CSMD1: variants seen among roughly 807,000 people sequenced by gnomAD.
CSMD1 encodes CUB and Sushi multiple domains 1.
CSMD1 carries 213 observed loss-of-function variants against 417.5 expected under a neutral mutation model. The ratio of observed to expected loss-of-function variants is 0.51; its 90% CI spans 0.46 to 0.57. CSMD1 has a LOEUF of 0.57. Ranked by LOEUF, CSMD1 falls within the 20% of genes least tolerant of loss-of-function variation. The pLI, the probability that CSMD1 is intolerant of heterozygous loss-of-function variation, is 0.00. For missense variants in CSMD1, 6,923 were observed against 4,529.7 expected (o/e 1.53, Z -15.17); for synonymous variants, 2,862 against 1,736.8 (o/e 1.65, Z -16.11).
chr8:3,304,759 C>A (rs1229201755), intron 25 of CSMD1, among the ~76,000 whole-genome samples: 7 of 151,362 alleles, frequency 4.6e-5, no homozygotes, highest in Non-Finnish European at 1.0e-4. Context: ...AAAATGTTAA[C>A]AAAGTATTAG....
chr8:4,424,219 G>T (rs890470735), intron 2 of CSMD1, among the ~76,000 whole-genome samples: 9 of 151,932 alleles, frequency 5.9e-5, no homozygotes, highest in Non-Finnish European at 8.8e-5. Context: ...AAAAACTTTG[G>T]CTGCAAAAGA....
Position 3,359,037 on chromosome 8 carries a change from C to T in CSMD1, c.3304+115G>A, listed in dbSNP as rs1808982187. The T allele has an allele frequency of 4.3e-6, 4 of 934,114 alleles. No homozygotes were observed. In the South Asian group the frequency reaches 4.7e-5, roughly 11 times the overall value. The allele number at this position is 934,114 out of a possible 1,614,324, so 57.9% of individuals were successfully genotyped here. A position where few individuals can be genotyped will look rare whatever the true frequency, so the allele number is the denominator to read the frequency against. On this transcript the variant is annotated intron_variant, in intron 21 of 69. Coordinates refer to ENST00000635120, the MANE Select transcript of CSMD1 (RefSeq NM_033225.6). ...GTTGGCAGAGTGGAGCCCACACTTT[C>T]ACCCTCTCCTTCCTTGTCAACAAAC...
At chr8:4,739,138 AC>A (rs1224375306) in intron 1 of CSMD1, among the ~76,000 whole-genome samples, 1 of 152,230 alleles carries the variant, frequency 6.6e-6, no homozygotes, top group Non-Finnish European at 1.5e-5. Context: ...ACATACACAC[AC>A]GCATACACAC....
chr8:4,756,614 C>G (rs1811683588), intron 1 of CSMD1, among the ~76,000 whole-genome samples: 1 of 152,150 alleles, frequency 6.6e-6, no homozygotes, highest in Non-Finnish European at 1.5e-5. Flanking sequence ...TTCACTTTGG[C>G]TCACTAATTG....
chr8:3,273,571 T>G (rs1357848361), intron 26 of CSMD1, among the ~76,000 whole-genome samples: 1 of 152,212 alleles, frequency 6.6e-6, no homozygotes, highest in Non-Finnish European at 1.5e-5. Flanking sequence ...CTGCACTCTT[T>G]TTCGTTGGTA....
intron 18 of CSMD1, chr8:3,373,878 A>C (rs971914091): frequency 6.6e-6 from 1 of 152,184 alleles, no homozygotes; most frequent in African/African-American, 2.4e-5. Context: ...AGATATGCAG[A>C]AATCATTGAA....
intron 5 of CSMD1, among the ~76,000 whole-genome samples, chr8:3,849,025 A>G (rs1226226578): frequency 6.6e-6 from 1 of 151,984 alleles, no homozygotes; most frequent in East Asian, 1.9e-4. Flanking sequence ...CTCTGCTCAT[A>G]TAAACTTAAA....
intron 3 of CSMD1, among the ~76,000 whole-genome samples, chr8:4,206,436 T>C (rs1585021926): frequency 6.6e-6 from 1 of 151,968 alleles, no homozygotes; most frequent in South Asian, 2.1e-4. Context: ...ACATGCGGTG[T>C]TTGGTTTTCT....
At chr8:3,289,089 T>C (rs544386897) in intron 25 of CSMD1, among the ~76,000 whole-genome samples, 1 of 147,506 alleles carries the variant, frequency 6.8e-6, no homozygotes, top group African/African-American at 2.7e-5. Context: ...TAGTTTTTTG[T>C]CCTTGAGATA....
intron 5 of CSMD1, among the ~76,000 whole-genome samples, chr8:3,924,124 G>C (rs552784480): frequency 1.3e-5 from 2 of 152,142 alleles, no homozygotes; most frequent in South Asian, 4.1e-4. Context: ...GGGAAAATCT[G>C]TATCTCTCCA....
chr8:3,791,083 T>C (rs1799712417), intron 5 of CSMD1, among the ~76,000 whole-genome samples: 1 of 152,210 alleles, frequency 6.6e-6, no homozygotes, highest in African/African-American at 2.4e-5. Flanking sequence ...GAAATTAATT[T>C]CATAAAATCA....
At chr8:3,435,207 C>T (rs369527744) in intron 12 of CSMD1, among the ~76,000 whole-genome samples, 2 of 152,160 alleles carry the variant, frequency 1.3e-5, no homozygotes, top group Non-Finnish European at 2.9e-5. Context: ...TATGTTCAGT[C>T]CTCAGAGCAC....
At chr8:3,577,971 C>A (rs1358894530) in intron 9 of CSMD1, among the ~76,000 whole-genome samples, 3 of 152,136 alleles carry the variant, frequency 2.0e-5, no homozygotes, top group Non-Finnish European at 4.4e-5. Flanking sequence ...TTTCTACCAG[C>A]CGATGTCCAC....
At chr8:3,399,298 A>T (rs1237227349) in intron 16 of CSMD1, 93 bp downstream of exon 16, 3 of 1,245,554 alleles carry the variant, frequency 2.4e-6, no homozygotes, top group Non-Finnish European at 3.3e-6. Context: ...ACCGAAAAAA[A>T]CTGCCATCTT....
intron 5 of CSMD1, among the ~76,000 whole-genome samples, chr8:3,941,539 C>T (rs79325024): frequency 0.06 from 9,108 of 152,178 alleles, 327 homozygotes; most frequent in South Asian, 0.1. Flanking sequence ...AAAGTGCTCT[C>T]TCTCCGAGCA....
At chr8:4,439,734 G>C (rs1048527761) in intron 2 of CSMD1, among the ~76,000 whole-genome samples, 3 of 152,110 alleles carry the variant, frequency 2.0e-5, no homozygotes, top group African/African-American at 4.8e-5. Flanking sequence ...AGTAAATAGA[G>C]AACATAAATC....
chr8:4,556,286 C>G (rs778854399), intron 2 of CSMD1, among the ~76,000 whole-genome samples: 2 of 152,060 alleles, frequency 1.3e-5, no homozygotes, highest in South Asian at 4.1e-4. Context: ...TAATCTTGAC[C>G]ATTTTCATAA....
At chr8:3,456,877 T>C (rs950579765) in intron 12 of CSMD1, among the ~76,000 whole-genome samples, 1 of 152,092 alleles carries the variant, frequency 6.6e-6, no homozygotes, top group African/African-American at 2.4e-5. Context: ...GGCTAAGCTC[T>C]AGCACTGCAC....
intron 10 of CSMD1, among the ~76,000 whole-genome samples, chr8:3,509,685 A>G (rs1291204873): frequency 6.6e-6 from 1 of 152,218 alleles, no homozygotes; most frequent in Non-Finnish European, 1.5e-5. Flanking sequence ...AAGATGCTTA[A>G]TCATCTTCAA....
Sources: allele counts gnomAD v4.1 joint callset (sites outside exome capture counted in the v4.1 genomes callset), GRCh38; gene constraint gnomAD v4.1.1; transcripts MANE v1.5; gene names NCBI Gene and HGNC (gene_info 2026-07-23, HGNC 2026-07-21).